Variants in PCDH9 observed in about 807,000 individuals in gnomAD.
PCDH9 encodes protocadherin-9.
PCDH9 carries 24 observed loss-of-function variants against 70.6 expected under a neutral mutation model. The ratio of observed to expected loss-of-function variants is 0.34; its 90% CI spans 0.25 to 0.48. The LOEUF (loss-of-function observed/expected upper bound fraction) is 0.48. PCDH9 is among the 20% of genes least tolerant of loss of function. The probability of loss-of-function intolerance (pLI) is 0.99; values close to 1 mark genes in which losing one functional copy is unlikely to be tolerated. For synonymous variants in PCDH9, 562 were observed against 558.5 expected, an observed-to-expected ratio of 1.01 and a Z score of -0.09; for missense variants, 1,281 against 1,503.6, an observed-to-expected ratio of 0.85 and a Z score of 2.45.
Position 67,181,452 on chromosome 13 carries a change from A to G in PCDH9, c.3036+43953T>C, listed in dbSNP as rs149022469. On this transcript the variant is annotated intron_variant, in intron 2 of 4. Coordinates refer to ENST00000377865, the MANE Select transcript of PCDH9 (RefSeq NM_203487.3). Reference sequence around the variant, plus strand: ...AGAGGAATGGGTAGAAAAATCACACAGACCGTTTTCAAAATATGTTTGTGA... The same window carrying G: ...AGAGGAATGGGTAGAAAAATCACACGGACCGTTTTCAAAATATGTTTGTGA... Among the ~76,000 whole-genome samples the G allele has an allele frequency of 2.2e-3, 334 of 152,306 alleles. 1 individual carries two copies. The highest frequency in any genetic ancestry group is 7.7e-3 in the African/African-American group (320 of 41,570).
At chr13:66,369,303 T>C (rs1956606088) in intron 4 of PCDH9, among the ~76,000 whole-genome samples, 2 of 152,118 alleles carry the variant, frequency 1.3e-5, no homozygotes, top group Admixed American at 1.3e-4. Context: ...TCAGGAATAT[T>C]TATAGGTTAA....
rs146644210 is a variant in PCDH9 at position 66,517,782 on chromosome 13, G to T, written c.3340+113428C>A. Reference sequence around the variant, plus strand: ...TCCATACTTTTAATAAACAATTCTTGATTTTTTTCCTCTTAATGATTTTAC... The same window carrying T: ...TCCATACTTTTAATAAACAATTCTTTATTTTTTTCCTCTTAATGATTTTAC... On this transcript the variant is annotated intron_variant, in intron 4 of 4. Transcript: ENST00000377865. Among the ~76,000 whole-genome samples the T allele has an allele frequency of 4.3e-3, 660 of 152,054 alleles. 3 individuals carry two copies. The highest frequency in any genetic ancestry group is 0.015 in the African/African-American group (631 of 41,490).
At chr13:66,390,800 A>G (rs751246613) in intron 4 of PCDH9, among the ~76,000 whole-genome samples, 1 of 152,056 alleles carries the variant, frequency 6.6e-6, no homozygotes, top group Admixed American at 6.6e-5. Context: ...TATGGCTATC[A>G]CATGCTAGGA....
chr13:66,565,410 A>G (rs1377818532), intron 4 of PCDH9, among the ~76,000 whole-genome samples: 1 of 152,228 alleles, frequency 6.6e-6, no homozygotes, highest in African/African-American at 2.4e-5. Flanking sequence ...GAAAAGCTGT[A>G]TGAGAAACCT....
intron 4 of PCDH9, among the ~76,000 whole-genome samples, chr13:66,314,725 T>A (rs181545195): frequency 1.4e-3 from 209 of 152,306 alleles, no homozygotes; most frequent in African/African-American, 4.8e-3. Context: ...ACTGATGACC[T>A]AGTTGCTCAA....
intron 3 of PCDH9, among the ~76,000 whole-genome samples, chr13:66,642,256 T>C (rs182159412): frequency 1.2e-4 from 19 of 152,204 alleles, no homozygotes; most frequent in Non-Finnish European, 2.1e-4. Context: ...CCAAACTTTA[T>C]TAACTTAATC....
intron 4 of PCDH9, among the ~76,000 whole-genome samples, chr13:66,536,456 T>C (rs1209537846): frequency 6.6e-6 from 1 of 152,138 alleles, no homozygotes; most frequent in Non-Finnish European, 1.5e-5. Flanking sequence ...TGTTCTTATT[T>C]TATATCTTCT....
chr13:66,932,028 T>C (rs377661933), intron 2 of PCDH9, among the ~76,000 whole-genome samples: 90 of 152,178 alleles, frequency 5.9e-4, no homozygotes, highest in African/African-American at 2.0e-3. Context: ...AAGTATATGG[T>C]AGATTAGTGA....
At chr13:66,980,305 C>T (rs1264934261) in intron 2 of PCDH9, among the ~76,000 whole-genome samples, 3 of 152,124 alleles carry the variant, frequency 2.0e-5, no homozygotes, top group South Asian at 2.1e-4. Flanking sequence ...CACACACACA[C>T]GTACACACAA....
intron 4 of PCDH9, among the ~76,000 whole-genome samples, chr13:66,620,434 G>C (rs947523646): frequency 3.3e-5 from 5 of 152,028 alleles, no homozygotes; most frequent in Admixed American, 2.0e-4. Flanking sequence ...TGCCCTACTG[G>C]CCATGACTTT....
chr13:66,620,441 CTTTT>C (rs1202206637), intron 4 of PCDH9, among the ~76,000 whole-genome samples: 2 of 152,126 alleles, frequency 1.3e-5, no homozygotes, highest in African/African-American at 4.8e-5. Context: ...CTGGCCATGA[CTTTT>C]TATAGGACAA....
At chr13:66,547,788 G>A (rs763546204) in intron 4 of PCDH9, among the ~76,000 whole-genome samples, 9 of 150,314 alleles carry the variant, frequency 6.0e-5, no homozygotes, top group Non-Finnish European at 1.2e-4. Flanking sequence ...GATAGAATGC[G>A]CATTTTTAAA....
At chr13:66,967,511 T>C (rs189186327) in intron 2 of PCDH9, among the ~76,000 whole-genome samples, 1 of 152,172 alleles carries the variant, frequency 6.6e-6, no homozygotes, top group Admixed American at 6.6e-5. Flanking sequence ...AGGAGAGTGC[T>C]GTTTTAGTGT....
chr13:66,635,336 G>A (rs2077623702), intron 3 of PCDH9, among the ~76,000 whole-genome samples: 1 of 152,116 alleles, frequency 6.6e-6, no homozygotes, highest in Non-Finnish European at 1.5e-5. Context: ...ATTTCTGGCT[G>A]GCTTGAGAAA....
chr13:66,367,889 C>T lies in PCDH9; in HGVS notation c.3341-62861G>A, dbSNP rs75039596. Among the ~76,000 whole-genome samples, 1,027 of 152,150 alleles carry T rather than the reference C, an allele frequency of 6.7e-3. 13 individuals carry two copies. The highest frequency in any genetic ancestry group is 0.023 in the African/African-American group (965 of 41,516). ...TTATTAGAAAGAATGAAAAAGATAC[C>T]TTCCATATGTAACACATAAAATTAA... is the stretch of plus-strand genomic sequence containing the variant. On this transcript the variant is annotated intron_variant, in intron 4 of 4. Transcript: ENST00000377865.
chr13:67,225,942 G>C lies in PCDH9; in HGVS notation c.2499C>G (p.Thr833=). The part of the protein sequence containing the change: ...AMVVIVVIFV[T]VLVRCRHASR... ...ATGCATGGCGACAGCGCACCAGAAC[G>C]GTGACGAAGATCACAACAATGACCA... The change falls in exon 2 of 5, where the codon ACC becomes ACG. Residue 833 remains threonine (T), a synonymous_variant. Coordinates refer to ENST00000377865, the MANE Select transcript of PCDH9 (RefSeq NM_203487.3). The C allele has an allele frequency of 1.9e-6, 3 of 1,614,092 alleles. No individual in the cohort carries two copies. Among genetic ancestry groups the C allele is most frequent in the Non-Finnish European group, 2.5e-6 (3 of 1,180,026 alleles).
At chr13:67,202,183 C>T (rs2089230390) in intron 2 of PCDH9, 1 of 151,932 alleles carries the variant, frequency 6.6e-6, no homozygotes, top group Admixed American at 6.6e-5. Context: ...AAGGACCATT[C>T]AACCATCATC....
intron 2 of PCDH9, chr13:67,209,508 A>G (rs968295251): frequency 2.6e-5 from 4 of 152,154 alleles, no homozygotes; most frequent in Non-Finnish European, 5.9e-5. Context: ...AGTGTAAAAT[A>G]GTCTCTTTAC....
chr13:67,085,472 T>A (rs954131118), intron 2 of PCDH9, among the ~76,000 whole-genome samples: 1 of 152,206 alleles, frequency 6.6e-6, no homozygotes, highest in Non-Finnish European at 1.5e-5. Flanking sequence ...AGGGAAGTGT[T>A]ATAAAATGAA....
Sources: allele counts gnomAD v4.1 joint callset (sites outside exome capture counted in the v4.1 genomes callset), GRCh38; gene constraint gnomAD v4.1.1; transcripts MANE v1.5; gene names NCBI Gene and HGNC (gene_info 2026-07-23, HGNC 2026-07-21).